The following DLG4 variants were observed in gnomAD, a reference collection of about 807,000 sequenced individuals.
DLG4 encodes disks large homolog 4.
DLG4 carries 7 observed loss-of-function variants against 93.8 expected under a neutral mutation model. The observed-to-expected ratio is 0.07, with a 90% CI of 0.04 to 0.14. The LOEUF (loss-of-function observed/expected upper bound fraction) is 0.14, where lower values mean the gene tolerates loss of function less well. Ranked by LOEUF, DLG4 falls within the 10% of genes least tolerant of loss-of-function variation. The probability of loss-of-function intolerance (pLI) is 1.00; values close to 1 mark genes in which losing one functional copy is unlikely to be tolerated. For missense variants in DLG4, 545 were observed against 992.9 expected, an observed-to-expected ratio of 0.55 and a Z score of 6.06; for synonymous variants, 341 against 387.6, an observed-to-expected ratio of 0.88 and a Z score of 1.41.
In DLG4 at chr17:7,203,657, G is replaced by C. The variant is rs747139730; in HGVS notation, c.335+35C>G. The C allele has an allele frequency of 6.2e-7, 1 of 1,612,528 alleles. No individual in the cohort carries two copies. The highest frequency in any genetic ancestry group is 8.5e-7 in the Non-Finnish European group (1 of 1,178,780). On this transcript the variant is annotated intron_variant, in intron 5 of 19. Transcript: ENST00000399506. This position sits in a 1 kb window ranked among gnomAD's most constrained non-coding sequence, Gnocchi z 7.2. ...GCTGCCCTGGCCCTCCCTCTCCAGG[G>C]ACCAAGCAACCTAACCCCTGTCTCC...
intron 1 of DLG4, chr17:7,211,821 C>CGGGGGGG (rs1318925894): frequency 2.7e-4 from 1 of 3,680 alleles, no homozygotes; most frequent in African/African-American, 2.5e-3. Flanking sequence ...GAGGCTGCGG[C>CGGGGGGG]GGGGGGGGGG....
rs2070229606 is a variant in DLG4 at position 7,203,000 on chromosome 17, T to C, written c.690A>G (p.Ala230=). Residue 230 remains alanine, a synonymous_variant, in exon 8 of 20, where the codon GCA becomes GCG. Coordinates refer to ENST00000399506, the MANE Select transcript of DLG4 (RefSeq NM_001321075.3). ...LEDVMHEDAV[A]ALKNTYDVVY... ...CAACATCATACGTGTTCTTCAGGGCTGCCACAGCATCTTCATGCATGACGT... is the reference window on the plus strand; with the variant it reads ...CAACATCATACGTGTTCTTCAGGGCCGCCACAGCATCTTCATGCATGACGT... 6.2e-7 allele frequency: 1 copy of C among 1,612,822 alleles called. No individual in the cohort carries two copies. Among genetic ancestry groups the C allele is most frequent in the Non-Finnish European group, 8.5e-7 (1 of 1,178,896 alleles).
intron 8 of DLG4, among the ~76,000 whole-genome samples, chr17:7,200,477 A>G (rs1014573710): frequency 6.6e-6 from 1 of 151,048 alleles, no homozygotes; most frequent in Non-Finnish European, 1.5e-5. Flanking sequence ...CTTTTTATTC[A>G]CTACATTTTC....
At position 7,191,930 on chromosome 17, in the gene DLG4, C is replaced by A; in HGVS notation, c.1939G>T (p.Ala647Ser). 2.0e-6 allele frequency: 3 copies of A among 1,493,356 alleles called. No individual in the cohort carries two copies. Among genetic ancestry groups the A allele is most frequent in the Non-Finnish European group, 2.7e-6 (3 of 1,118,522 alleles). The allele number at this position is 1,493,356 out of a possible 1,614,324, so 92.5% of individuals were successfully genotyped here. Residue 647 changes from alanine (A) to serine (S), a missense_variant, in exon 18 of 20, where the codon GCC becomes TCC. By Grantham distance (99) the Ala-to-Ser change is moderately conservative. Coordinates refer to ENST00000399506, the MANE Select transcript of DLG4 (RefSeq NM_001321075.3). The surrounding 1 kb of genome is among the most constrained non-coding windows in gnomAD (Gnocchi z 6.6). Reference sequence around the variant, plus strand: ...AGGGAGCGGGGGCGGATGAAGATGGCGATGGGGTGCAGGTGGGCCGCCTGC... The same window carrying A: ...AGGGAGCGGGGGCGGATGAAGATGGAGATGGGGTGCAGGTGGGCCGCCTGC... ...RLQAAHLHPI[A>S]IFIRPRSLEN...
At chr17:7,219,789 A>T, upstream of DLG4, 1 of 1,504,358 alleles carries the variant, frequency 6.6e-7, no homozygotes, top group Non-Finnish European at 8.9e-7. Context: ...GGACGCTTGG[A>T]GATCCCTCTA....
intron 2 of DLG4, among the ~76,000 whole-genome samples, chr17:7,206,051 C>T (rs114164696): frequency 1.7e-3 from 264 of 152,114 alleles, no homozygotes; most frequent in African/African-American, 5.8e-3. Context: ...GTCGCACCCT[C>T]CAGCCCCATC....
rs886138763 is a variant in DLG4 at position 7,187,524 on chromosome 17, C to A, written c.*3184G>T. Among the ~76,000 whole-genome samples, 46 of 150,366 alleles carry A rather than the reference C, an allele frequency of 3.1e-4. 1 individual carries two copies. The highest frequency in any genetic ancestry group is 3.2e-3 in the Middle Eastern group (1 of 314). On this transcript the variant is annotated 3_prime_UTR_variant, in exon 20 of 20. Coordinates refer to ENST00000399506, the MANE Select transcript of DLG4 (RefSeq NM_001321075.3). The stretch of plus-strand genomic sequence containing the variant: ...TCGCACCACTGCACTCCAGCCTGGG[C>A]AACAAGAGCGAAACTCTGTCTCCAA...
rs2142807804 is a variant in DLG4, at chr17:7,191,213, C to T, written c.2068+54G>A. 1 of 1,574,710 alleles carries T rather than the reference C, an allele frequency of 6.4e-7. No homozygotes were observed. Among genetic ancestry groups the T allele is most frequent in the African/African-American group, 1.3e-5 (1 of 74,212 alleles). ...ACTGGGGGTGGCGGGGGAGCTCTTT[C>T]TAATCCGAGCAAGGGCACCCTACAT... is the stretch of plus-strand genomic sequence containing the variant. On this transcript the variant is annotated intron_variant, in intron 19 of 19. Coordinates refer to ENST00000399506, the MANE Select transcript of DLG4 (RefSeq NM_001321075.3). This position sits in a 1 kb window ranked among gnomAD's most constrained non-coding sequence, Gnocchi z 6.6.
In DLG4 at chr17:7,196,410, C is replaced by T; in HGVS notation, c.1186+63G>A. ...CCCTGTCCTCCCCTACTGAAGCCAT[C>T]AGCTGAGGAAGAGTTCTAAGGGCCA... On this transcript the variant is annotated intron_variant, in intron 10 of 19. Transcript: ENST00000399506. The surrounding 1 kb of genome is among the most constrained non-coding windows in gnomAD (Gnocchi z 8.3). 2 of 1,608,372 alleles carry T rather than the reference C, an allele frequency of 1.2e-6. No homozygotes were observed. The highest frequency in any genetic ancestry group is 1.7e-6 in the Non-Finnish European group (2 of 1,174,822).
upstream of DLG4, chr17:7,219,596 C>T (rs1294734486): frequency 6.0e-6 from 7 of 1,168,102 alleles, no homozygotes; most frequent in Non-Finnish European, 7.5e-6. Context: ...CTACCTTACA[C>T]TTCTCTTTCC....
intron 8 of DLG4, among the ~76,000 whole-genome samples, 186 bp from the exon 9 acceptor site, chr17:7,197,238 G>A (rs2069841432): frequency 6.6e-6 from 1 of 152,062 alleles, no homozygotes; most frequent in South Asian, 2.1e-4. Flanking sequence ...ATTTATAGGT[G>A]ACATCAGAGG....
rs2069614368 is a variant in DLG4 at position 7,193,601 on chromosome 17, G to C, written c.1592-17C>G. ...CATAGTGCACTGCAGAGAGAGCCTG[G>C]CTTAGGCCGAGCGCAGGGTTGGGGG... is the stretch of plus-strand genomic sequence containing the variant. On this transcript the variant is annotated splice_polypyrimidine_tract_variant and intron_variant, in intron 15 of 19. Coordinates refer to ENST00000399506, the MANE Select transcript of DLG4 (RefSeq NM_001321075.3). This position sits in a 1 kb window ranked among gnomAD's most constrained non-coding sequence, Gnocchi z 6.7. The C allele has an allele frequency of 1.3e-6, 2 of 1,526,174 alleles. No individual in the cohort carries two copies. Among genetic ancestry groups the C allele is most frequent in the East Asian group, 4.5e-5 (2 of 44,234 alleles). The allele number at this position is 1,526,174 out of a possible 1,614,324, so 94.5% of individuals were successfully genotyped here.
chr17:7,214,966 T>C (rs2070847612), intron 1 of DLG4, among the ~76,000 whole-genome samples: 1 of 152,160 alleles, frequency 6.6e-6, no homozygotes, highest in Non-Finnish European at 1.5e-5. Flanking sequence ...CAGGCAGAGC[T>C]GGGGAGCTCA....
At chr17:7,219,557 C>T (rs866382039), upstream of DLG4, 45 of 1,105,096 alleles carry the variant, frequency 4.1e-5, no homozygotes, top group African/African-American at 6.3e-4. Flanking sequence ...ACCCTAGAGT[C>T]TGTCTTTCCA....
chr17:7,207,466 A>G (rs1166671944), intron 2 of DLG4, among the ~76,000 whole-genome samples: 1 of 152,046 alleles, frequency 6.6e-6, no homozygotes, highest in Non-Finnish European at 1.5e-5. Context: ...GTGAAGTCTC[A>G]GGCCAGACAG....
intron 8 of DLG4, among the ~76,000 whole-genome samples, chr17:7,199,923 T>C (rs1476692602): frequency 1.4e-5 from 2 of 143,594 alleles, no homozygotes; most frequent in Admixed American, 7.5e-5. Flanking sequence ...GAGCTTGCAG[T>C]GAGCCAAGAT....
Position 7,194,440 on chromosome 17 carries a change from T to C in DLG4, c.1357A>G (p.Ser453Gly). ...KDCGFLSQAL[S>G]FRFGDVLHVI... is the part of the protein sequence containing the mutation. ...TGCAGCACATCCCCAAAGCGGAAGC[T>C]CAGGGCCTGGCTCAGGAAGCCGCAG... Residue 453 changes from serine (S) to glycine (G), a missense_variant, in exon 12 of 20, where the codon AGC (serine) becomes GGC (glycine). By Grantham distance (56) the Ser-to-Gly change is moderately conservative. This residue lies in a region of DLG4 where 428 missense variants were observed against 741.4 expected (regional missense o/e 0.58). Transcript: ENST00000399506. This position sits in a 1 kb window ranked among gnomAD's most constrained non-coding sequence, Gnocchi z 4.4. 6.2e-7 allele frequency: 1 copy of C among 1,611,942 alleles called. No individual in the cohort carries two copies. Among genetic ancestry groups the C allele is most frequent in the Non-Finnish European group, 8.5e-7 (1 of 1,179,136 alleles).
intron 8 of DLG4, among the ~76,000 whole-genome samples, chr17:7,198,740 C>T (rs1219172216): frequency 4.0e-5 from 6 of 150,404 alleles, no homozygotes; most frequent in South Asian, 2.1e-4. Context: ...CCCAGCTACT[C>T]GGGAGGCTGA....
rs571905235 is a variant in DLG4, at chr17:7,197,435, T to C, written c.788-383A>G. On this transcript the variant is annotated intron_variant, in intron 8 of 19. Coordinates refer to ENST00000399506, the MANE Select transcript of DLG4 (RefSeq NM_001321075.3). ...CCCCCACCTCTCTGCCATCCATTCG[T>C]TGAAAAAACTAGGTCATTTGTCTAA... is the stretch of plus-strand genomic sequence containing the variant. Among the ~76,000 whole-genome samples, 4 of 152,190 alleles carry C rather than the reference T, an allele frequency of 2.6e-5. No homozygotes were observed. The South Asian group carries it at 8.3e-4, about 32-fold the overall frequency.
Sources: allele counts gnomAD v4.1 joint callset (sites outside exome capture counted in the v4.1 genomes callset), GRCh38; gene constraint gnomAD v4.1.1; regional missense constraint gnomAD v4.1.1; non-coding constraint Gnocchi (gnomAD v3.1); transcripts MANE v1.5; gene names NCBI Gene and HGNC (gene_info 2026-07-23, HGNC 2026-07-21).